PCDHGA4: variants seen among roughly 807,000 people sequenced by gnomAD.
PCDHGA4 encodes protocadherin gamma-A4.
In PCDHGA4, 38 loss-of-function variants were observed where a neutral mutation model predicts 54.6. That is an observed-to-expected ratio of 0.70 (90% CI 0.54 to 0.91). The LOEUF (loss-of-function observed/expected upper bound fraction) is 0.91. Ranked by LOEUF, PCDHGA4 falls within the 40% of genes least tolerant of loss-of-function variation. The pLI is 0.00. For synonymous variants in PCDHGA4, 511 were observed against 512.9 expected, an observed-to-expected ratio of 1.00 and a Z score of 0.05; for missense variants, 1,298 against 1,220.9, an observed-to-expected ratio of 1.06 and a Z score of -0.94.
chr5:141,383,412 G>C (rs1417112594), intron 1 of PCDHGA4: 3 of 1,613,874 alleles, frequency 1.9e-6, no homozygotes, highest in East Asian at 2.2e-5. Context: ...AGAGTTACCA[G>C]CTCAGCCCCA....
At chr5:141,423,219 T>C (rs775170753) in intron 1 of PCDHGA4, 3 of 1,613,752 alleles carry the variant, frequency 1.9e-6, no homozygotes, top group Admixed American at 1.7e-5. Flanking sequence ...TCACCGTGGC[T>C]GTGGCCGACA....
At chr5:141,452,490 C>A (rs2098742307) in intron 1 of PCDHGA4, among the ~76,000 whole-genome samples, 1 of 152,188 alleles carries the variant, frequency 6.6e-6, no homozygotes, top group East Asian at 1.9e-4. Flanking sequence ...TAAACACACC[C>A]ATATTTATAT....
At chr5:141,364,922 C>A (rs1201913698) in intron 1 of PCDHGA4, 1 of 1,613,948 alleles carries the variant, frequency 6.2e-7, no homozygotes, top group East Asian at 2.2e-5. Flanking sequence ...GGTGTTGGAA[C>A]AGCCCCTAGA....
At chr5:141,389,466 C>T (rs760000487) in intron 1 of PCDHGA4, 1 of 1,613,330 alleles carries the variant, frequency 6.2e-7, no homozygotes, top group East Asian at 2.2e-5. Flanking sequence ...CGCCTTCGAA[C>T]TCACACTGCA....
At position 141,355,606 on chromosome 5, in the gene PCDHGA4, G is replaced by A. The variant is rs1379031705; in HGVS notation, c.499G>A (p.Glu167Lys). The A allele has an allele frequency of 1.2e-6, 2 of 1,614,008 alleles. No individual in the cohort carries two copies. The highest frequency in any genetic ancestry group is 2.2e-5 in the East Asian group (1 of 44,878). ...VNDNPPSFGT[E>K]QREIKVAENE... ...TGATAACCCACCCAGTTTTGGGACA[G>A]AACAGAGGGAAATAAAAGTTGCTGA... Residue 167 changes from glutamate (E) to lysine (K), a missense_variant, in exon 1 of 4, where the codon GAA (glutamate) becomes AAA (lysine). By Grantham distance (56) the Glu-to-Lys change is moderately conservative (BLOSUM62 1). Transcript: ENST00000571252.
intron 1 of PCDHGA4, chr5:141,416,811 A>C (rs1355425793): frequency 2.6e-5 from 4 of 152,188 alleles, no homozygotes; most frequent in Non-Finnish European, 5.9e-5. Context: ...AAAGTCAAAA[A>C]GCATTCCGAA....
At chr5:141,445,020 C>T (rs2098454249) in intron 1 of PCDHGA4, among the ~76,000 whole-genome samples, 1 of 152,130 alleles carries the variant, frequency 6.6e-6, no homozygotes, top group Non-Finnish European at 1.5e-5. Flanking sequence ...TTTAATTTCT[C>T]TCAGCTATGT....
intron 1 of PCDHGA4, among the ~76,000 whole-genome samples, chr5:141,438,606 A>G: frequency 3.6e-5 from 1 of 27,780 alleles, no homozygotes; most frequent in African/African-American, 2.7e-4. Flanking sequence ...ATATATATAT[A>G]TATATATATA....
chr5:141,511,733 T>C lies in PCDHGA4; in HGVS notation c.*560T>C, dbSNP rs1032711521. 9 of 177,040 alleles carry C rather than the reference T, an allele frequency of 5.1e-5. No individual in the cohort carries two copies. The highest frequency in any genetic ancestry group is 8.7e-5 in the Non-Finnish European group (7 of 80,868). The allele number at this position is 177,040 out of a possible 1,614,324, so 11.0% of individuals were successfully genotyped here. ...TCCTTCCAGAGCCCAAGATCAATGC[T>C]CAAGTTTTGGAGGACATGATCACCA... On this transcript the variant is annotated 3_prime_UTR_variant, in exon 4 of 4. Transcript: ENST00000571252.
intron 1 of PCDHGA4, among the ~76,000 whole-genome samples, chr5:141,381,166 C>A (rs1402987548): frequency 6.6e-6 from 1 of 152,204 alleles, no homozygotes; most frequent in Non-Finnish European, 1.5e-5. Context: ...ACTTAGGAGC[C>A]TCCCACAAAA....
At chr5:141,365,654 G>A (rs952946348) in intron 1 of PCDHGA4, 4 of 1,613,378 alleles carry the variant, frequency 2.5e-6, no homozygotes, top group Non-Finnish European at 3.4e-6. Flanking sequence ...CCCCTTGAAA[G>A]TAGCAGACGT....
intron 2 of PCDHGA4, among the ~76,000 whole-genome samples, 177 bp from the exon 3 acceptor site, chr5:141,505,216 T>C (rs547855353): frequency 1.1e-4 from 17 of 152,234 alleles, no homozygotes; most frequent in Non-Finnish European, 2.9e-5. Context: ...AGGGACTGAC[T>C]TGTGGGATTC....
At position 141,362,582 on chromosome 5, in the gene PCDHGA4, C is replaced by T. The variant is rs1227713684; in HGVS notation, c.2514+4961C>T. 3 of 1,600,324 alleles carry T rather than the reference C, an allele frequency of 1.9e-6. No individual in the cohort carries two copies. In the African/African-American group the frequency reaches 4.0e-5, roughly 22 times the overall value. On this transcript the variant is annotated intron_variant, in intron 1 of 3. Transcript: ENST00000571252. ...GTGAGCTTTAATTAATTTATTTTCA[C>T]TTCTGGTTTTATTGTTTCACCTAAT... is the stretch of plus-strand genomic sequence containing the variant.
Position 141,409,803 on chromosome 5 carries a change from C to G in PCDHGA4, c.2514+52182C>G, listed in dbSNP as rs779815582. The G allele has an allele frequency of 1.4e-5, 23 of 1,611,528 alleles. No homozygotes were observed. The highest frequency in any genetic ancestry group is 7.7e-5 in the South Asian group (7 of 90,886). ...CGCGCCTTCGCGCTCACGCTGCAGG[C>G]CCGCGACCACGGCTCGCCCACGCTC... On this transcript the variant is annotated intron_variant, in intron 1 of 3. Coordinates refer to ENST00000571252, the MANE Select transcript of PCDHGA4 (RefSeq NM_018917.4).
intron 1 of PCDHGA4, chr5:141,364,853 A>G (rs1352459567): frequency 6.2e-7 from 1 of 1,614,022 alleles, no homozygotes; most frequent in Non-Finnish European, 8.5e-7. Context: ...GCTCAGCTCC[A>G]ATCTGCACTT....
intron 1 of PCDHGA4, among the ~76,000 whole-genome samples, chr5:141,382,053 TC>T (rs1158430534): frequency 6.6e-6 from 1 of 151,934 alleles, no homozygotes; most frequent in Non-Finnish European, 1.5e-5. Flanking sequence ...GGTCTCAAGC[TC>T]CCGACCTCAG....
chr5:141,405,141 A>T (rs749502643), intron 1 of PCDHGA4: 4 of 1,613,862 alleles, frequency 2.5e-6, no homozygotes, highest in African/African-American at 1.3e-5. Flanking sequence ...GCTACCAGTG[A>T]TGGGTTGGCT....
At chr5:141,500,619 G>A (rs1230172485) in intron 2 of PCDHGA4, among the ~76,000 whole-genome samples, 1 of 152,072 alleles carries the variant, frequency 6.6e-6, no homozygotes, top group East Asian at 1.9e-4. Context: ...CCAGTCATAC[G>A]GTACATTTCC....
chr5:141,477,642 A>G lies in PCDHGA4; in HGVS notation c.2515-17165A>G, dbSNP rs767152121. On this transcript the variant is annotated intron_variant, in intron 1 of 3. Transcript: ENST00000571252. The surrounding 1 kb of genome is among the most constrained non-coding windows in gnomAD (Gnocchi z 4.9). ...GCTGAAACCGGGCTAGTGGGTCGCT[A>G]TTTCACAATAAATCGTGACAATGGC... 9 of 1,614,136 alleles carry G rather than the reference A, an allele frequency of 5.6e-6. No individual in the cohort carries two copies. Among genetic ancestry groups the G allele is most frequent in the Non-Finnish European group, 7.6e-6 (9 of 1,180,022 alleles).
Sources: allele counts gnomAD v4.1 joint callset (sites outside exome capture counted in the v4.1 genomes callset), GRCh38; gene constraint gnomAD v4.1.1; non-coding constraint Gnocchi (gnomAD v3.1); transcripts MANE v1.5; gene names NCBI Gene and HGNC (gene_info 2026-07-23, HGNC 2026-07-21).